The following ZNF735 variants were observed in gnomAD, a reference collection of about 807,000 sequenced individuals.
The protein encoded by ZNF735 is zinc finger protein 735.
A neutral mutation model predicts 13.4 loss-of-function variants in ZNF735; 11 were observed. That is an observed-to-expected ratio of 0.82 (90% CI 0.52 to 1.36). The LOEUF (loss-of-function observed/expected upper bound fraction) is 1.36, where lower values mean the gene tolerates loss of function less well. Ranked by LOEUF, ZNF735 falls within the 40% of genes most tolerant of loss-of-function variation. The pLI is 0.00. For missense variants in ZNF735, 500 were observed against 484.6 expected, an observed-to-expected ratio of 1.03 and a Z score of -0.30; for synonymous variants, 171 against 162.6, an observed-to-expected ratio of 1.05 and a Z score of -0.39.
chr7:64,220,142 GCT>G lies in ZNF735; in HGVS notation c.1093_1094del (p.Ser365LeufsTer7). On this transcript the variant is annotated frameshift_variant, in exon 4 of 4. Coordinates refer to ENST00000429565, the Ensembl canonical transcript of ZNF735. LOFTEE classifies it low-confidence loss of function (END_TRUNC). ...GAAGAATGTGGCAGAACCTTTAACTGCTCCTCAACTGTAAAGGCACATAAGAG... is the reference window on the plus strand; with the variant it reads ...GAAGAATGTGGCAGAACCTTTAACTGCCTCAACTGTAAAGGCACATAAGAG... 6.2e-7 allele frequency: 1 copy of G among 1,613,260 alleles called. No homozygotes were observed. Among genetic ancestry groups the G allele is most frequent in the Non-Finnish European group, 8.5e-7 (1 of 1,179,714 alleles).
chr7:64,213,143 C>T lies in ZNF735; in HGVS notation c.91C>T (p.Gln31Ter). 6.2e-7 allele frequency: 1 copy of T among 1,612,672 alleles called. No homozygotes were observed. Among genetic ancestry groups the T allele is most frequent in the Non-Finnish European group, 8.5e-7 (1 of 1,179,428 alleles). ...TATAGAATTCTCTCTGGCGGAGTGG[C>T]AATGCCTGGATCATGCTCAGCAGAA... The change falls in exon 2 of 4, where the codon CAA (glutamine) becomes TAA (stop). Residue 31 changes from glutamine to a stop codon, truncating the protein, a stop_gained. Coordinates refer to ENST00000429565, the Ensembl canonical transcript of ZNF735. LOFTEE classifies it high-confidence loss of function.
chr7:64,215,019 A>G (rs1247374148), intron 3 of ZNF735, among the ~76,000 whole-genome samples: 1 of 150,726 alleles, frequency 6.6e-6, no homozygotes, highest in African/African-American at 2.4e-5. Flanking sequence ...CCATTTGTAT[A>G]TCTTTTTATT....
chr7:64,210,110 A>G (rs1217733249), intron 1 of ZNF735, among the ~76,000 whole-genome samples: 2 of 152,218 alleles, frequency 1.3e-5, no homozygotes. Flanking sequence ...CCAGGGTGCT[A>G]TGAAAATTAA....
intron 3 of ZNF735, among the ~76,000 whole-genome samples, chr7:64,218,849 C>T (rs934521475): frequency 2.6e-5 from 4 of 152,120 alleles, no homozygotes; most frequent in Admixed American, 2.0e-4. Flanking sequence ...GTCTTGTCTG[C>T]AATTTTGTAT....
exon 4 of ZNF735, chr7:64,219,437 G>T: frequency 6.2e-7 from 1 of 1,613,898 alleles, no homozygotes; most frequent in Non-Finnish European, 8.5e-7. Flanking sequence ...AAAAAATGTT[G>T]TAAAAGAGTA....
rs776811500 is a variant in ZNF735 at position 64,214,014 on chromosome 7, T to C, written c.168T>C (p.Gly56=). Residue 56 remains glycine, a splice_region_variant and synonymous_variant, in exon 3 of 4, where the codon GGT becomes GGC. Coordinates refer to ENST00000429565, the Ensembl canonical transcript of ZNF735. ...TACTTTTTTTTCTTAATAAAACAGG[T>C]ATGACTGTCTCTAAGCCAGACTTGA... 2.5e-6 allele frequency: 4 copies of C among 1,595,680 alleles called. No homozygotes were observed. The African/African-American group carries it at 4.0e-5, about 16-fold the overall frequency.
chr7:64,211,414 G>A (rs1440707235), intron 1 of ZNF735, among the ~76,000 whole-genome samples: 2 of 152,170 alleles, frequency 1.3e-5, no homozygotes, highest in African/African-American at 4.8e-5. Flanking sequence ...CATTTAAACA[G>A]AATGGCATGT....
At chr7:64,218,255 C>T (rs568569643) in intron 3 of ZNF735, among the ~76,000 whole-genome samples, 26 of 149,354 alleles carry the variant, frequency 1.7e-4, no homozygotes, top group Admixed American at 8.7e-4. Flanking sequence ...TCTTTTCTGA[C>T]CTGAAATGTT....
chr7:64,214,945 T>C (rs1787402230), intron 3 of ZNF735, among the ~76,000 whole-genome samples: 1 of 152,128 alleles, frequency 6.6e-6, no homozygotes, highest in African/African-American at 2.4e-5. Flanking sequence ...TGTTTTGTAT[T>C]GTTATTTTAT....
chr7:64,213,113 A>G (rs1787379511), exon 2 of ZNF735: 3 of 1,612,986 alleles, frequency 1.9e-6, no homozygotes, highest in Non-Finnish European at 2.5e-6. Flanking sequence ...ATTCAGAGAC[A>G]TAGCTATAGA....
intron 1 of ZNF735, among the ~76,000 whole-genome samples, chr7:64,210,459 A>G (rs2116478499): frequency 6.6e-6 from 1 of 152,302 alleles, no homozygotes; most frequent in Non-Finnish European, 1.5e-5. Context: ...GACTTGTTGA[A>G]AAAGCCCATT....
chr7:64,207,982 ACC>A (rs1787309427), intron 1 of ZNF735, among the ~76,000 whole-genome samples: 1 of 146,652 alleles, frequency 6.8e-6, no homozygotes, highest in Non-Finnish European at 1.5e-5. Context: ...GCAAGACTCC[ACC>A]TCAAAAAAAA....
intron 1 of ZNF735, among the ~76,000 whole-genome samples, 191 bp downstream of exon 1, chr7:64,207,432 G>A (rs1436790838): frequency 2.0e-5 from 3 of 152,192 alleles, no homozygotes; most frequent in Non-Finnish European, 4.4e-5. Context: ...CTGGGACCCT[G>A]GGAGTTCTGT....
chr7:64,215,855 C>G (rs188545479), intron 3 of ZNF735, among the ~76,000 whole-genome samples: 2 of 152,190 alleles, frequency 1.3e-5, no homozygotes, highest in Admixed American at 1.3e-4. Context: ...GCTGGGCTCC[C>G]TATTTTGTTC....
intron 1 of ZNF735, among the ~76,000 whole-genome samples, chr7:64,207,536 T>C (rs529512521): frequency 1.3e-5 from 2 of 152,158 alleles, no homozygotes; most frequent in East Asian, 3.9e-4. Context: ...TGTACAGGGA[T>C]TGGGAAAGTT....
exon 4 of ZNF735, chr7:64,219,940 T>C: frequency 6.2e-7 from 1 of 1,613,974 alleles, no homozygotes; most frequent in Non-Finnish European, 8.5e-7. Flanking sequence ...AGAGAGACCC[T>C]ACAAATGTGA....
intron 3 of ZNF735, among the ~76,000 whole-genome samples, chr7:64,215,475 C>T (rs1264196231): frequency 6.6e-6 from 1 of 150,814 alleles, no homozygotes; most frequent in Non-Finnish European, 1.5e-5. Context: ...TCACCCATTT[C>T]TTGGGTGACA....
In ZNF735 at chr7:64,214,992, C is replaced by G. The variant is rs1787402756; in HGVS notation, c.262+884C>G. Among the ~76,000 whole-genome samples, 5 of 150,834 alleles carry G rather than the reference C, an allele frequency of 3.3e-5. No individual in the cohort carries two copies. The South Asian group carries it at 1.0e-3, about 31-fold the overall frequency. The stretch of plus-strand genomic sequence containing the variant: ...CTATAAATTATTAATTTTGTGCAAC[C>G]TTTCAAATACTTCTTCCCATTTGTA... On this transcript the variant is annotated intron_variant, in intron 3 of 3. Coordinates refer to ENST00000429565, the Ensembl canonical transcript of ZNF735.
intron 3 of ZNF735, among the ~76,000 whole-genome samples, chr7:64,215,652 A>AT (rs35071441): frequency 0.25 from 36,647 of 144,038 alleles, 4,464 homozygotes; most frequent in East Asian, 0.29. Context: ...TAAGAGTTTC[A>AT]TTTTTTTTTT....
Sources: gnomAD v4.1 joint callset for allele counts (sites outside exome capture counted in the v4.1 genomes callset) on GRCh38, gnomAD v4.1.1 for gene constraint, MANE v1.5 for transcripts, NCBI Gene and HGNC (gene_info 2026-07-23, HGNC 2026-07-21) for gene names.